The following GALNT2 variants were observed in gnomAD, a reference collection of about 807,000 sequenced individuals.
GALNT2 encodes the protein polypeptide N-acetylgalactosaminyltransferase 2, also known as UDP-GalNAc:polypeptide N-acetylgalactosaminyltransferase 2.
A neutral mutation model predicts 81.4 loss-of-function variants in GALNT2; 31 were observed. That is an observed-to-expected ratio of 0.38 (90% CI 0.29 to 0.51). The LOEUF is 0.51. Ranked by LOEUF, GALNT2 falls within the 20% of genes least tolerant of loss-of-function variation. GALNT2 has a pLI of 0.87. For synonymous variants in GALNT2, 303 were observed against 287.4 expected (o/e 1.05, Z -0.55); for missense variants, 629 against 765.7 (o/e 0.82, Z 2.11).
chr1:230,107,763 A>T (rs1004514535), intron 1 of GALNT2, among the ~76,000 whole-genome samples: 1 of 152,148 alleles, frequency 6.6e-6, no homozygotes, highest in South Asian at 2.1e-4. Context: ...GTGAATAATT[A>T]AAACAGAAAT....
intron 1 of GALNT2, among the ~76,000 whole-genome samples, chr1:230,160,746 G>A (rs4846916): frequency 0.89 from 135,317 of 151,764 alleles, 60,569 homozygotes; most frequent in East Asian, 0.96. Context: ...AGATGAATAA[G>A]TTGGTTCTAT....
At chr1:230,106,358 T>C (rs145812024) in intron 1 of GALNT2, among the ~76,000 whole-genome samples, 1 of 152,326 alleles carries the variant, frequency 6.6e-6, no homozygotes, top group Non-Finnish European at 1.5e-5. Flanking sequence ...CCAGGAGCCA[T>C]GCCTCCTCCT....
intron 10 of GALNT2, among the ~76,000 whole-genome samples, chr1:230,251,585 A>G (rs566752871): frequency 5.3e-5 from 8 of 152,210 alleles, no homozygotes; most frequent in Non-Finnish European, 1.2e-4. Flanking sequence ...GTTTTAAAAA[A>G]ATGATACATT....
chr1:230,071,720 G>C (rs910957296), intron 1 of GALNT2, among the ~76,000 whole-genome samples: 4 of 152,202 alleles, frequency 2.6e-5, no homozygotes, highest in African/African-American at 9.6e-5. Context: ...CTTCAAATGA[G>C]AGTTTGAAGT....
intron 1 of GALNT2, among the ~76,000 whole-genome samples, chr1:230,149,963 T>C (rs1303994402): frequency 1.3e-5 from 2 of 152,222 alleles, no homozygotes; most frequent in Admixed American, 1.3e-4. Context: ...GGCTTCTCAC[T>C]CTTGATTTAA....
chr1:230,217,149 A>C (rs1415193852), intron 3 of GALNT2, among the ~76,000 whole-genome samples: 2 of 152,212 alleles, frequency 1.3e-5, no homozygotes, highest in South Asian at 2.1e-4. Context: ...CAATAAAATA[A>C]ATCATTAATT....
chr1:230,074,498 C>A (rs747628382), intron 1 of GALNT2, among the ~76,000 whole-genome samples: 50 of 152,214 alleles, frequency 3.3e-4, no homozygotes, highest in Non-Finnish European at 4.0e-4. Flanking sequence ...GTTGTAACAA[C>A]CAAAAATGTG....
intron 1 of GALNT2, among the ~76,000 whole-genome samples, chr1:230,112,800 T>TGGGGGGG (rs200649766): frequency 2.6e-5 from 2 of 76,168 alleles, no homozygotes; most frequent in Admixed American, 1.2e-4. Context: ...GGCAGGGGGG[T>TGGGGGGG]GGGGGGGACC....
rs143035894 is a variant in GALNT2, at chr1:230,265,205, T to G, written c.1314-36T>G. 1,678 of 1,613,830 alleles carry G rather than the reference T, an allele frequency of 1.0e-3. 14 individuals are homozygous for G. The African/African-American group carries it at 0.019, about 18-fold the overall frequency. The stretch of plus-strand genomic sequence containing the variant: ...TGGTGGACGGGAGCTGGTGGTCATG[T>G]GCAGTGAAGCAGGTGATTCTCACGT... On this transcript the variant is annotated intron_variant, in intron 13 of 15. Transcript: ENST00000366672.
chr1:230,266,378 T>TTTG (rs1666038873), intron 14 of GALNT2, among the ~76,000 whole-genome samples: 3 of 152,242 alleles, frequency 2.0e-5, no homozygotes, highest in Admixed American at 2.0e-4. Context: ...AGGGTAATCC[T>TTTG]GTGTGCTCTT....
chr1:230,252,651 A>G (rs1665584645), intron 10 of GALNT2, among the ~76,000 whole-genome samples: 1 of 152,178 alleles, frequency 6.6e-6, no homozygotes, highest in Admixed American at 6.5e-5. Context: ...TAGGGTTCAA[A>G]TGAAATCAAC....
intron 15 of GALNT2, among the ~76,000 whole-genome samples, chr1:230,274,817 T>G (rs985040717): frequency 6.6e-6 from 1 of 152,170 alleles, no homozygotes; most frequent in African/African-American, 2.4e-5. Flanking sequence ...TTATCTACTT[T>G]TGTTTATTCA....
intron 14 of GALNT2, 106 bp from the exon 15 acceptor site, chr1:230,274,339 G>A: frequency 6.9e-7 from 1 of 1,444,386 alleles, no homozygotes; most frequent in Non-Finnish European, 9.4e-7. Flanking sequence ...CTGAATCTAA[G>A]CTCCACCCCG....
intron 1 of GALNT2, among the ~76,000 whole-genome samples, chr1:230,095,486 C>T (rs1223105043): frequency 6.6e-6 from 1 of 152,194 alleles, no homozygotes; most frequent in Non-Finnish European, 1.5e-5. Context: ...CTGCTCTTAG[C>T]ATCCCAGTGT....
intron 3 of GALNT2, among the ~76,000 whole-genome samples, chr1:230,219,667 C>T (rs1021484336): frequency 6.6e-6 from 1 of 152,170 alleles, no homozygotes; most frequent in African/African-American, 2.4e-5. Flanking sequence ...CTCCGCCACC[C>T]ACTTACCTTT....
At chr1:230,198,841 A>G (rs1663794765) in intron 2 of GALNT2, among the ~76,000 whole-genome samples, 1 of 152,220 alleles carries the variant, frequency 6.6e-6, no homozygotes. Flanking sequence ...ATATTTTCAT[A>G]ACCTTATTTA....
chr1:230,200,980 ATTAGTCCG>A (rs1663876077), intron 2 of GALNT2, among the ~76,000 whole-genome samples: 1 of 152,206 alleles, frequency 6.6e-6, no homozygotes, highest in African/African-American at 2.4e-5. Flanking sequence ...CCTCTTTTGT[ATTAGTCCG>A]TGAAAGGATA....
intron 1 of GALNT2, among the ~76,000 whole-genome samples, chr1:230,077,368 C>T (rs1055042101): frequency 6.6e-6 from 1 of 152,190 alleles, no homozygotes; most frequent in Non-Finnish European, 1.5e-5. Context: ...TCACTAATTT[C>T]CCCTGTGTCT....
intron 1 of GALNT2, among the ~76,000 whole-genome samples, chr1:230,166,890 T>C (rs577891249): frequency 6.6e-6 from 1 of 152,290 alleles, no homozygotes; most frequent in African/African-American, 2.4e-5. Context: ...ATGCTAGTGC[T>C]AGGCCTGGGG....
Sources: gnomAD v4.1 joint callset for allele counts (sites outside exome capture counted in the v4.1 genomes callset) on GRCh38, gnomAD v4.1.1 for gene constraint, MANE v1.5 for transcripts, NCBI Gene and HGNC (gene_info 2026-07-23, HGNC 2026-07-21) for gene names.